The following FMN1 variants were observed in gnomAD, a reference collection of about 807,000 sequenced individuals.
FMN1 encodes the protein formin-1.
FMN1 carries 110 observed loss-of-function variants against 132.4 expected under a neutral mutation model. That is an observed-to-expected ratio of 0.83 (90% CI 0.71 to 0.97). FMN1 has a LOEUF of 0.97. Among genes scored for constraint, FMN1 ranks in the 50% least tolerant of loss-of-function variants. The pLI is 0.00. For synonymous variants in FMN1, 722 were observed against 651.7 expected, an observed-to-expected ratio of 1.11 and a Z score of -1.64; for missense variants, 1,792 against 1,705.3, an observed-to-expected ratio of 1.05 and a Z score of -0.90.
intron 17 of FMN1, among the ~76,000 whole-genome samples, chr15:32,839,915 A>AT (rs2058709065): frequency 1.1e-5 from 1 of 88,028 alleles, no homozygotes; most frequent in Admixed American, 1.4e-4. Flanking sequence ...GAAGAACTGT[A>AT]TACTTGATGG....
chr15:33,078,649 A>C (rs1189970753), intron 5 of FMN1, among the ~76,000 whole-genome samples: 1 of 151,968 alleles, frequency 6.6e-6, no homozygotes, highest in South Asian at 2.1e-4. Context: ...GGCAACAAAA[A>C]AAAAAAAACA....
intron 16 of FMN1, among the ~76,000 whole-genome samples, chr15:32,876,079 T>C (rs907347316): frequency 6.6e-6 from 1 of 152,152 alleles, no homozygotes; most frequent in Non-Finnish European, 1.5e-5. Context: ...AAACAGGAAA[T>C]ATCAAGGATA....
chr15:32,796,686 A>G (rs2057301147), intron 19 of FMN1, among the ~76,000 whole-genome samples: 1 of 152,240 alleles, frequency 6.6e-6, no homozygotes, highest in African/African-American at 2.4e-5. Flanking sequence ...AAGAAGCTAA[A>G]ATCTTTAGCA....
chr15:33,165,338 G>C (rs1270466403), intron 3 of FMN1, among the ~76,000 whole-genome samples: 1 of 152,238 alleles, frequency 6.6e-6, no homozygotes, highest in East Asian at 1.9e-4. Context: ...GATTAAGGAA[G>C]CTGCTCTTGA....
chr15:33,041,918 T>C (rs2036458633), intron 6 of FMN1, among the ~76,000 whole-genome samples: 1 of 152,220 alleles, frequency 6.6e-6, no homozygotes, highest in East Asian at 1.9e-4. Context: ...TCACAGTGTT[T>C]TTTTTCACCA....
chr15:33,076,421 G>C (rs891384580), intron 5 of FMN1, among the ~76,000 whole-genome samples: 14 of 152,252 alleles, frequency 9.2e-5, no homozygotes, highest in African/African-American at 2.9e-4. Flanking sequence ...TTTTTTTAAA[G>C]TAAAAGTTAT....
At chr15:32,822,508 T>C (rs752845693) in intron 17 of FMN1, among the ~76,000 whole-genome samples, 5 of 151,848 alleles carry the variant, frequency 3.3e-5, no homozygotes, top group Admixed American at 6.5e-5. Flanking sequence ...TTTACACTTA[T>C]TACTCCATTT....
chr15:32,786,857 C>A (rs1001865716), intron 19 of FMN1, among the ~76,000 whole-genome samples: 1 of 152,154 alleles, frequency 6.6e-6, no homozygotes, highest in Non-Finnish European at 1.5e-5. Context: ...AGGCTCTGTC[C>A]ACTCTATATA....
chr15:32,900,345 A>C (rs2060265515), intron 13 of FMN1: 1 of 687,398 alleles, frequency 1.5e-6, no homozygotes, highest in African/African-American at 1.8e-5. Flanking sequence ...AATTATAAAC[A>C]GTGCATGTTT....
chr15:32,873,068 C>T (rs2059554390), intron 16 of FMN1, among the ~76,000 whole-genome samples: 1 of 152,164 alleles, frequency 6.6e-6, no homozygotes, highest in African/African-American at 2.4e-5. Flanking sequence ...ATCAGTTTGC[C>T]ACTGTCTTCA....
At chr15:33,084,901 G>C (rs1471483749) in intron 5 of FMN1, among the ~76,000 whole-genome samples, 4 of 152,170 alleles carry the variant, frequency 2.6e-5, no homozygotes, top group Non-Finnish European at 5.9e-5. Flanking sequence ...ACGTACTAAT[G>C]AGAGTCAGTG....
At chr15:32,989,144 G>GAAA (rs34236000) in intron 7 of FMN1, among the ~76,000 whole-genome samples, 3 of 9,202 alleles carry the variant, frequency 3.3e-4, no homozygotes, top group Non-Finnish European at 1.2e-3. Context: ...CACTATAGGG[G>GAAA]AAGAAAGGAA....
At chr15:33,040,052 C>T (rs1430214926) in intron 6 of FMN1, among the ~76,000 whole-genome samples, 1 of 152,182 alleles carries the variant, frequency 6.6e-6, no homozygotes, top group Admixed American at 6.5e-5. Context: ...ATCTCCCTCC[C>T]CATGGAAGAC....
In FMN1 at chr15:33,187,114, T is replaced by C. The variant is rs554749124; in HGVS notation, c.-197+6795A>G. ...GAACAAGGCAGACATCCCCAATTGC[T>C]GTACTTCTAAAAAAAGTAATATTCA... On this transcript the variant is annotated intron_variant, in intron 2 of 20. Transcript: ENST00000616417. Among the ~76,000 whole-genome samples, 176 of 152,336 alleles carry C rather than the reference T, an allele frequency of 1.2e-3. 2 individuals are homozygous for C. In the Middle Eastern group the frequency reaches 0.017, roughly 15 times the overall value.
intron 4 of FMN1, among the ~76,000 whole-genome samples, chr15:33,110,232 T>G (rs1236805074): frequency 1.3e-5 from 2 of 152,056 alleles, no homozygotes; most frequent in African/African-American, 4.8e-5. Context: ...GCAAGTAAAG[T>G]GTCCAGAATT....
intron 4 of FMN1, among the ~76,000 whole-genome samples, chr15:33,127,967 G>A (rs1396317951): frequency 6.6e-6 from 1 of 151,998 alleles, no homozygotes; most frequent in Non-Finnish European, 1.5e-5. Flanking sequence ...GGAAAGAAAG[G>A]GGAAAGGAAG....
chr15:32,923,568 C>G (rs1364663402), intron 10 of FMN1, among the ~76,000 whole-genome samples: 1 of 152,200 alleles, frequency 6.6e-6, no homozygotes, highest in African/African-American at 2.4e-5. Flanking sequence ...CCCACAAGGA[C>G]TAGAAGTCTG....
chr15:33,151,464 T>C (rs1002257129), intron 4 of FMN1: 2 of 1,404,440 alleles, frequency 1.4e-6, no homozygotes, highest in South Asian at 2.5e-5. Flanking sequence ...TGTCACTCAG[T>C]GGGCTCACGG....
intron 6 of FMN1, among the ~76,000 whole-genome samples, chr15:33,043,811 G>C (rs1442136097): frequency 6.6e-6 from 1 of 152,204 alleles, no homozygotes. Context: ...GGGCACAGCT[G>C]CAGCTGCCCA....
Sources: allele counts gnomAD v4.1 joint callset (sites outside exome capture counted in the v4.1 genomes callset), GRCh38; gene constraint gnomAD v4.1.1; transcripts MANE v1.5; gene names NCBI Gene and HGNC (gene_info 2026-07-23, HGNC 2026-07-21).